SNAP91: variants seen among roughly 807,000 people sequenced by gnomAD.
SNAP91 encodes clathrin coat assembly protein AP180.
SNAP91 carries 27 observed loss-of-function variants against 100.3 expected under a neutral mutation model. The observed-to-expected ratio is 0.27, with a 90% CI of 0.20 to 0.37. SNAP91 has a LOEUF of 0.37. SNAP91 is among the 10% of genes least tolerant of loss of function. SNAP91 has a pLI of 1.00. For missense variants in SNAP91, 986 were observed against 1,123.7 expected (o/e 0.88, Z 1.75); for synonymous variants, 404 against 398.6 (o/e 1.01, Z -0.16).
chr6:83,652,527 G>T (rs1055589303), intron 7 of SNAP91, among the ~76,000 whole-genome samples: 3 of 151,944 alleles, frequency 2.0e-5, no homozygotes, highest in Non-Finnish European at 2.9e-5. Context: ...TATTACTGCT[G>T]TCATTCATTT....
chr6:83,627,448 T>G (rs945147435), intron 8 of SNAP91, among the ~76,000 whole-genome samples: 4 of 152,124 alleles, frequency 2.6e-5, no homozygotes, highest in Non-Finnish European at 2.9e-5. Context: ...TTTTTACATC[T>G]GATAGAATTT....
At chr6:83,709,215 TCACACA>T (rs1386988907), upstream of SNAP91, 1 of 152,082 alleles carries the variant, frequency 6.6e-6, no homozygotes, top group Non-Finnish European at 1.5e-5. Context: ...TCCCAGCTAC[TCACACA>T]CACCGCCCCC....
At chr6:83,658,553 C>A (rs189334173) in intron 6 of SNAP91, among the ~76,000 whole-genome samples, 1 of 151,992 alleles carries the variant, frequency 6.6e-6, no homozygotes, top group African/African-American at 2.4e-5. Context: ...AGCTTGTGAG[C>A]GGAGATCGCG....
chr6:83,623,212 G>A, intron 9 of SNAP91, 89 bp downstream of exon 9: 2 of 1,035,526 alleles, frequency 1.9e-6, no homozygotes, highest in Non-Finnish European at 2.9e-6. Flanking sequence ...CAAAATGCAT[G>A]AAATGCTTAC....
chr6:83,574,995 C>A lies in SNAP91; in HGVS notation c.2442+15G>T. The A allele has an allele frequency of 1.3e-6, 2 of 1,549,346 alleles. No homozygotes were observed. The highest frequency in any genetic ancestry group is 4.6e-5 in the East Asian group (2 of 43,226). On this transcript the variant is annotated intron_variant, in intron 26 of 29. Coordinates refer to ENST00000369694, the MANE Select transcript of SNAP91 (RefSeq NM_001242792.2). ...CAAACTGCCTGCGCTGCCCTGGGCT[C>A]TGATTGCTACATACCAAAGGTGCAC...
At chr6:83,598,273 AAAG>A (rs1285996474) in intron 16 of SNAP91, among the ~76,000 whole-genome samples, 5 of 152,206 alleles carry the variant, frequency 3.3e-5, no homozygotes, top group African/African-American at 9.7e-5. Flanking sequence ...ATGATCATAA[AAAG>A]AAGATCTCAT....
At position 83,592,932 on chromosome 6, in the gene SNAP91, G is replaced by T. The variant is rs1325217315; in HGVS notation, c.1846+14C>A. The T allele has an allele frequency of 1.3e-6, 2 of 1,566,336 alleles. No individual in the cohort carries two copies. The highest frequency in any genetic ancestry group is 2.7e-5 in the African/African-American group (2 of 73,666). On this transcript the variant is annotated intron_variant, in intron 20 of 29. Transcript: ENST00000369694. Reference sequence around the variant, plus strand: ...AAGACATCTCTGAAGTCCTGACCTTGGCAAAGCACTCACCAGATAAGAGGT... The same window carrying T: ...AAGACATCTCTGAAGTCCTGACCTTTGCAAAGCACTCACCAGATAAGAGGT...
At chr6:83,569,324 A>T (rs1032280283) in intron 26 of SNAP91, among the ~76,000 whole-genome samples, 6 of 152,140 alleles carry the variant, frequency 3.9e-5, no homozygotes, top group Non-Finnish European at 1.5e-5. Context: ...AATTACCAAT[A>T]ATTAAAATTT....
Position 83,592,508 on chromosome 6 carries a change from G to A in SNAP91, c.1877C>T (p.Thr626Ile), listed in dbSNP as rs201065263. ...ATCCACCTTTGCTGGCGAGGCAGTG[G>A]TTGCAGGAGATGGTGCTGCAAATGC... The part of the protein sequence containing the change: ...VDAFAAPSPA[T>I]TASPAKVDSS... Residue 626 changes from threonine (T) to isoleucine (I), a missense_variant, in exon 21 of 30, where the codon ACC (threonine) becomes ATC (isoleucine). By Grantham distance (89) the Thr-to-Ile change is moderately conservative. Transcript: ENST00000369694. The A allele has an allele frequency of 2.7e-4, 443 of 1,610,988 alleles. No homozygotes were observed. The highest frequency in any genetic ancestry group is 4.4e-5 in the Non-Finnish European group (52 of 1,178,606).
chr6:83,584,629 G>A lies in SNAP91; in HGVS notation c.2015-2273C>T, dbSNP rs559458589. ...TTAGGGTGAACCCTATGAACGACAC[G>A]AATGGCTGATATTTGACTGTTTTGA... is the stretch of plus-strand genomic sequence containing the variant. On this transcript the variant is annotated intron_variant, in intron 22 of 29. Coordinates refer to ENST00000369694, the MANE Select transcript of SNAP91 (RefSeq NM_001242792.2). Among the ~76,000 whole-genome samples the A allele has an allele frequency of 2.0e-4, 31 of 152,258 alleles. 1 individual carries two copies. In the South Asian group the frequency reaches 3.9e-3, roughly 19 times the overall value.
chr6:83,561,403 T>C (rs1019534977), intron 26 of SNAP91, among the ~76,000 whole-genome samples: 21 of 152,220 alleles, frequency 1.4e-4, no homozygotes, highest in African/African-American at 5.1e-4. Flanking sequence ...CAAATATGTA[T>C]GAGTGGATAT....
intron 2 of SNAP91, among the ~76,000 whole-genome samples, chr6:83,670,276 T>C (rs535396147): frequency 1.3e-5 from 2 of 151,602 alleles, no homozygotes; most frequent in Admixed American, 1.3e-4. Flanking sequence ...AACAGGTATG[T>C]TGTGATATCT....
At chr6:83,580,742 A>G (rs1397186920) in intron 23 of SNAP91, 143 bp from the exon 24 acceptor site, 3 of 707,922 alleles carry the variant, frequency 4.2e-6, no homozygotes, top group Non-Finnish European at 6.8e-6. Flanking sequence ...CACACTTTTC[A>G]TGACTGTAAC....
At chr6:83,574,534 G>A (rs947836454) in intron 26 of SNAP91, among the ~76,000 whole-genome samples, 2 of 151,980 alleles carry the variant, frequency 1.3e-5, no homozygotes, top group Non-Finnish European at 2.9e-5. Context: ...AATCTTTCTG[G>A]TAGGAAAAAA....
At chr6:83,569,650 A>G (rs1364987106) in intron 26 of SNAP91, among the ~76,000 whole-genome samples, 1 of 152,086 alleles carries the variant, frequency 6.6e-6, no homozygotes, top group African/African-American at 2.4e-5. Flanking sequence ...CTGTCTTCCT[A>G]CCCAAGTCTC....
At chr6:83,575,483 G>A in intron 25 of SNAP91, 1 of 264,554 alleles carries the variant, frequency 3.8e-6, no homozygotes, top group South Asian at 4.5e-5. Flanking sequence ...AAGATGCACT[G>A]ATGATGGCAC....
intron 10 of SNAP91, 41 bp from the exon 11 acceptor site, chr6:83,614,903 T>C (rs898892779): frequency 1.4e-5 from 21 of 1,535,070 alleles, no homozygotes; most frequent in Non-Finnish European, 1.9e-5. Flanking sequence ...AAGAAGAGAA[T>C]AGTTAACTAT....
At chr6:83,690,157 A>T in intron 2 of SNAP91, 1 of 444,240 alleles carries the variant, frequency 2.3e-6, no homozygotes, top group Non-Finnish European at 3.1e-6. Flanking sequence ...GAGTTTTCCT[A>T]ATGATTATGG....
At chr6:83,690,773 T>C (rs563150477) in intron 2 of SNAP91, among the ~76,000 whole-genome samples, 2 of 152,070 alleles carry the variant, frequency 1.3e-5, no homozygotes, top group African/African-American at 2.4e-5. Context: ...CTATACTAAA[T>C]AGCAGTCTAA....
Sources: allele counts gnomAD v4.1 joint callset (sites outside exome capture counted in the v4.1 genomes callset), GRCh38; gene constraint gnomAD v4.1.1; transcripts MANE v1.5; gene names NCBI Gene and HGNC (gene_info 2026-07-23, HGNC 2026-07-21).